The following CYP20A1 variants were observed in gnomAD, a reference collection of about 807,000 sequenced individuals.
CYP20A1 encodes the protein cytochrome P450 family 20 subfamily A member 1.
CYP20A1 carries 61 observed loss-of-function variants against 61.4 expected under a neutral mutation model. The ratio of observed to expected loss-of-function variants is 0.99; its 90% CI spans 0.81 to 1.23. CYP20A1 has a LOEUF of 1.23. CYP20A1 is among the 50% of genes most tolerant of loss of function. The pLI is 0.00. For missense variants in CYP20A1, 530 were observed against 542.4 expected (o/e 0.98, Z 0.23); for synonymous variants, 193 against 188.2 (o/e 1.03, Z -0.21).
chr2:203,247,718 G>A (rs2066510672), intron 3 of CYP20A1, among the ~76,000 whole-genome samples: 1 of 152,068 alleles, frequency 6.6e-6, no homozygotes, highest in Non-Finnish European at 1.5e-5. Context: ...TTAGCTGAGC[G>A]TGGTGAGGTG....
At chr2:203,279,515 G>A (rs76824201) in intron 7 of CYP20A1, among the ~76,000 whole-genome samples, 2,863 of 152,294 alleles carry the variant, frequency 0.019, 44 homozygotes, top group Non-Finnish European at 0.029. Context: ...TGTCAGGCCA[G>A]TGAGGTGAGT....
intron 3 of CYP20A1, among the ~76,000 whole-genome samples, chr2:203,247,348 T>C (rs895574121): frequency 2.6e-5 from 4 of 152,202 alleles, no homozygotes; most frequent in Non-Finnish European, 4.4e-5. Flanking sequence ...TATTGAATGC[T>C]TTGTACTATG....
At chr2:203,272,029 C>T (rs947892638) in intron 5 of CYP20A1, among the ~76,000 whole-genome samples, 3 of 152,088 alleles carry the variant, frequency 2.0e-5, no homozygotes, top group East Asian at 1.9e-4. Context: ...TCTGTCTCGG[C>T]GTGGGGGAAG....
At chr2:203,271,069 TATATATATATATA>T (rs1476237398) in intron 5 of CYP20A1, among the ~76,000 whole-genome samples, 2 of 78,878 alleles carry the variant, frequency 2.5e-5, no homozygotes, top group Non-Finnish European at 2.7e-5. Context: ...TATATATATA[TATATATATATATA>T]TTTTTTTTTT....
At chr2:203,241,080 G>A (rs185340957) in intron 1 of CYP20A1, among the ~76,000 whole-genome samples, 20 of 152,308 alleles carry the variant, frequency 1.3e-4, no homozygotes, top group African/African-American at 4.6e-4. Flanking sequence ...GTGCCAATGG[G>A]ATTTCCCAGT....
intron 9 of CYP20A1, among the ~76,000 whole-genome samples, chr2:203,286,386 A>T (rs2068271701): frequency 6.6e-6 from 1 of 152,224 alleles, no homozygotes; most frequent in Non-Finnish European, 1.5e-5. Flanking sequence ...ATTCAAGATA[A>T]ATGAAAACAT....
chr2:203,253,143 G>T (rs2066758252), intron 4 of CYP20A1, among the ~76,000 whole-genome samples: 1 of 152,144 alleles, frequency 6.6e-6, no homozygotes, highest in South Asian at 2.1e-4. Flanking sequence ...AGACTATTCG[G>T]CACACCCCAG....
intron 4 of CYP20A1, among the ~76,000 whole-genome samples, chr2:203,252,380 A>G (rs2066724991): frequency 1.3e-5 from 2 of 151,846 alleles, no homozygotes. Flanking sequence ...ATGTGTATAT[A>G]TATATATATA....
At chr2:203,266,739 C>G (rs2067339138) in intron 5 of CYP20A1, 58 bp downstream of exon 5, 38 of 1,447,614 alleles carry the variant, frequency 2.6e-5, no homozygotes, top group Non-Finnish European at 3.6e-5. Flanking sequence ...CAGCTCACAC[C>G]TGTAATCCCA....
At chr2:203,281,127 A>G (rs531238294) in intron 8 of CYP20A1, among the ~76,000 whole-genome samples, 2 of 152,342 alleles carry the variant, frequency 1.3e-5, no homozygotes, top group South Asian at 4.1e-4. Context: ...TGGTTTTTAG[A>G]TTGGTGGAGT....
chr2:203,254,489 G>T (rs2066820131), intron 4 of CYP20A1, among the ~76,000 whole-genome samples: 1 of 150,726 alleles, frequency 6.6e-6, no homozygotes, highest in Admixed American at 6.6e-5. Flanking sequence ...AGGTTGCAGT[G>T]AGCCAAGATC....
Position 203,266,453 on chromosome 2 carries a change from A to G in CYP20A1, c.433-61A>G. On this transcript the variant is annotated intron_variant, in intron 4 of 12. Transcript: ENST00000356079. Reference sequence around the variant, plus strand: ...TGCCATTAAATGAATCTACTTAGTAACATTTTCTGAGATTTAGAAAGAAGA... The same window carrying G: ...TGCCATTAAATGAATCTACTTAGTAGCATTTTCTGAGATTTAGAAAGAAGA... 3 of 1,468,288 alleles carry G rather than the reference A, an allele frequency of 2.0e-6. No homozygotes were observed. In the South Asian group the frequency reaches 3.5e-5, roughly 17 times the overall value. The allele number at this position is 1,468,288 out of a possible 1,614,324, so 91.0% of individuals were successfully genotyped here.
chr2:203,258,391 A>T (rs1425604474), intron 4 of CYP20A1, among the ~76,000 whole-genome samples: 2 of 3,866 alleles, frequency 5.2e-4, no homozygotes, highest in Non-Finnish European at 4.9e-3. Context: ...CTATGTTTAA[A>T]AAAAAAAAAA....
At chr2:203,267,126 C>T (rs1387792534) in intron 5 of CYP20A1, among the ~76,000 whole-genome samples, 1 of 152,088 alleles carries the variant, frequency 6.6e-6, no homozygotes, top group Non-Finnish European at 1.5e-5. Flanking sequence ...TGCAGCACTG[C>T]ACTCCAGCCT....
rs1412236049 is a variant in CYP20A1 at position 203,285,670 on chromosome 2, T to C, written c.909T>C (p.Tyr303=). The C allele has an allele frequency of 1.2e-6, 2 of 1,607,662 alleles. No individual in the cohort carries two copies. The highest frequency in any genetic ancestry group is 1.7e-6 in the Non-Finnish European group (2 of 1,178,670). Residue 303 remains tyrosine, a synonymous_variant, in exon 9 of 13, where the codon TAT becomes TAC. Transcript: ENST00000356079. ...CTGAAGAAGTTCAAAAAAAATTATATGAAGAGATAAACCAAGTTTTTGGAA... is the reference window on the plus strand; with the variant it reads ...CTGAAGAAGTTCAAAAAAAATTATACGAAGAGATAAACCAAGTTTTTGGAA... ...TTSEEVQKKL[Y]EEINQVFGNG... is the part of the protein sequence containing the mutation.
intron 4 of CYP20A1, among the ~76,000 whole-genome samples, chr2:203,252,492 T>A (rs1266263117): frequency 6.6e-6 from 1 of 151,992 alleles, no homozygotes; most frequent in East Asian, 1.9e-4. Context: ...CCTCTTAGGT[T>A]TAAGCAATTC....
rs1472258097 is a variant in CYP20A1 at position 203,298,008 on chromosome 2, A to G, written c.*1100A>G. 1.3e-5 allele frequency: 2 copies of G among 151,816 alleles called. No homozygotes were observed. The highest frequency in any genetic ancestry group is 4.8e-5 in the African/African-American group (2 of 41,306). The allele number at this position is 151,816 out of a possible 1,614,324, so 9.4% of individuals were successfully genotyped here. A position where few individuals can be genotyped will look rare whatever the true frequency, so the allele number is the denominator to read the frequency against. ...TCAAGAAAAACAAAAAAAAAGATAA[A>G]TGGACAAAAGACATGAACAAACAGC... On this transcript the variant is annotated 3_prime_UTR_variant, in exon 13 of 13. Coordinates refer to ENST00000356079, the MANE Select transcript of CYP20A1 (RefSeq NM_177538.3).
chr2:203,265,254 C>T (rs1347170676), intron 4 of CYP20A1, among the ~76,000 whole-genome samples: 1 of 152,164 alleles, frequency 6.6e-6, no homozygotes, highest in African/African-American at 2.4e-5. Context: ...ATGCCAGTAG[C>T]ACCTTACCCC....
intron 4 of CYP20A1, among the ~76,000 whole-genome samples, chr2:203,261,364 C>T (rs191731925): frequency 1.5e-3 from 230 of 151,678 alleles, no homozygotes; most frequent in African/African-American, 5.3e-3. Flanking sequence ...TTAAGACCAT[C>T]CTGGGCAAAA....
Sources: gnomAD v4.1 joint callset for allele counts (sites outside exome capture counted in the v4.1 genomes callset) on GRCh38, gnomAD v4.1.1 for gene constraint, MANE v1.5 for transcripts, NCBI Gene and HGNC (gene_info 2026-07-23, HGNC 2026-07-21) for gene names.